FBXL4: variants seen among roughly 807,000 people sequenced by gnomAD.
FBXL4 encodes the protein F-box and leucine rich repeat protein 4, also known as F-box/LRR-repeat protein 4.
A neutral mutation model predicts 58.9 loss-of-function variants in FBXL4; 40 were observed. That is an observed-to-expected ratio of 0.68 (90% CI 0.53 to 0.88). The LOEUF (loss-of-function observed/expected upper bound fraction) is 0.88, where lower values mean the gene tolerates loss of function less well. Ranked by LOEUF, FBXL4 falls within the 40% of genes least tolerant of loss-of-function variation. The probability of loss-of-function intolerance (pLI) is 0.00; values close to 1 mark genes in which losing one functional copy is unlikely to be tolerated. For missense variants in FBXL4, 676 were observed against 734.4 expected (o/e 0.92, Z 0.92); for synonymous variants, 263 against 265.5 (o/e 0.99, Z 0.09).
chr6:98,913,605 C>G (rs1374784716), intron 5 of FBXL4, among the ~76,000 whole-genome samples: 1 of 152,180 alleles, frequency 6.6e-6, no homozygotes, highest in Non-Finnish European at 1.5e-5. Context: ...TAAAGATGTT[C>G]TTTGAAACCA....
At chr6:98,898,975 C>T (rs1051631773) in intron 7 of FBXL4, 2 of 985,418 alleles carry the variant, frequency 2.0e-6, no homozygotes, top group Non-Finnish European at 2.4e-6. Flanking sequence ...AATTCATTCC[C>T]TGCCAGCATT....
At chr6:98,876,790 T>C (rs1196938827) in intron 8 of FBXL4, among the ~76,000 whole-genome samples, 1 of 152,024 alleles carries the variant, frequency 6.6e-6, no homozygotes, top group African/African-American at 2.4e-5. Context: ...ATGAGATCCA[T>C]ACAGTCCAAG....
chr6:98,901,682 A>T (rs1034584124), intron 6 of FBXL4, among the ~76,000 whole-genome samples: 1 of 152,158 alleles, frequency 6.6e-6, no homozygotes, highest in African/African-American at 2.4e-5. Flanking sequence ...CTACCTTTTC[A>T]TATCTACATC....
Position 98,899,004 on chromosome 6 carries a change from C to T in FBXL4, c.1317+264G>A, listed in dbSNP as rs141987023. ...CAGCATTTTGGCTTACCTCAACCAA[C>T]GCTTATTTTTTTTCCTGGGGACATA... On this transcript the variant is annotated intron_variant, in intron 7 of 9. Transcript: ENST00000369244. The T allele has an allele frequency of 8.4e-4, 829 of 985,368 alleles. 4 individuals carry two copies. In the African/African-American group the frequency reaches 0.012, roughly 15 times the overall value. The allele number at this position is 985,368 out of a possible 1,614,324, so 61.0% of individuals were successfully genotyped here. A position where few individuals can be genotyped will look rare whatever the true frequency, so the allele number is the denominator to read the frequency against.
At chr6:98,893,413 C>T (rs1218149759) in intron 7 of FBXL4, among the ~76,000 whole-genome samples, 1 of 152,116 alleles carries the variant, frequency 6.6e-6, no homozygotes, top group Non-Finnish European at 1.5e-5. Context: ...CTTCCATTGT[C>T]TTCACATGGT....
At chr6:98,922,508 T>G (rs1772622236) in intron 4 of FBXL4, among the ~76,000 whole-genome samples, 1 of 152,200 alleles carries the variant, frequency 6.6e-6, no homozygotes, top group Admixed American at 6.5e-5. Context: ...CAAACAGTAG[T>G]ACATGACGGA....
intron 5 of FBXL4, among the ~76,000 whole-genome samples, chr6:98,911,395 C>G (rs906233074): frequency 6.6e-5 from 10 of 152,306 alleles, no homozygotes; most frequent in African/African-American, 2.4e-4. Flanking sequence ...GTCCCTGACC[C>G]CTGACCCCCA....
chr6:98,917,922 C>T (rs1358660007), intron 4 of FBXL4, among the ~76,000 whole-genome samples: 1 of 152,066 alleles, frequency 6.6e-6, no homozygotes, highest in Non-Finnish European at 1.5e-5. Flanking sequence ...TTTTATAAGT[C>T]CCCAAACAGT....
At chr6:98,901,634 C>T (rs1771615723) in intron 6 of FBXL4, among the ~76,000 whole-genome samples, 1 of 152,156 alleles carries the variant, frequency 6.6e-6, no homozygotes, top group African/African-American at 2.4e-5. Context: ...TTAATATCCT[C>T]ATATTATCTC....
chr6:98,910,558 G>A (rs1291236612), intron 5 of FBXL4, among the ~76,000 whole-genome samples: 1 of 151,980 alleles, frequency 6.6e-6, no homozygotes, highest in East Asian at 1.9e-4. Context: ...TCGGGAGGCT[G>A]AGGCAGGAGA....
chr6:98,910,312 T>A (rs1367824168), intron 5 of FBXL4, among the ~76,000 whole-genome samples: 1 of 152,048 alleles, frequency 6.6e-6, no homozygotes. Flanking sequence ...AACACCCCAG[T>A]AGGGACACAC....
At chr6:98,920,819 TACACACACACACAC>T (rs10633715) in intron 4 of FBXL4, among the ~76,000 whole-genome samples, 3 of 144,932 alleles carry the variant, frequency 2.1e-5, no homozygotes, top group East Asian at 2.1e-4. Flanking sequence ...TACACACACA[TACACACACACACAC>T]ACACACACAC....
intron 1 of FBXL4, among the ~76,000 whole-genome samples, chr6:98,936,599 TATATTTTCTTTTCCTCATGATTTTCTTA>T (rs1305721310): frequency 3.9e-5 from 6 of 152,214 alleles, no homozygotes; most frequent in Admixed American, 1.3e-4. Context: ...GAGGAGTAAA[TATATTTTCTTTTCCTCATGATTTTCTTA>T]ATATTTTCTT....
At chr6:98,894,874 A>G (rs1358560574) in intron 7 of FBXL4, among the ~76,000 whole-genome samples, 1 of 152,176 alleles carries the variant, frequency 6.6e-6, no homozygotes, top group African/African-American at 2.4e-5. Flanking sequence ...AAATTAAGAA[A>G]CCAAGTTGAA....
intron 7 of FBXL4, among the ~76,000 whole-genome samples, chr6:98,886,786 T>C (rs1771054233): frequency 6.6e-6 from 1 of 152,208 alleles, no homozygotes; most frequent in South Asian, 2.1e-4. Context: ...TACTTTTTGG[T>C]ATATCTGCCC....
intron 7 of FBXL4, among the ~76,000 whole-genome samples, chr6:98,884,776 T>C (rs1770976477): frequency 6.6e-6 from 1 of 152,240 alleles, no homozygotes; most frequent in South Asian, 2.1e-4. Flanking sequence ...TCTCTTCAAA[T>C]ATTACTTTTC....
intron 9 of FBXL4, among the ~76,000 whole-genome samples, chr6:98,874,702 C>G (rs1770591601): frequency 6.6e-6 from 1 of 152,282 alleles, no homozygotes; most frequent in Non-Finnish European, 1.5e-5. Context: ...TTCCTACCTC[C>G]TACCCCTTCA....
intron 1 of FBXL4, among the ~76,000 whole-genome samples, chr6:98,935,299 G>A (rs543238875): frequency 6.7e-6 from 1 of 149,290 alleles, no homozygotes; most frequent in Admixed American, 6.7e-5. Flanking sequence ...TGAGTGGAAT[G>A]GTTTTTTGTT....
At chr6:98,937,474 TAAGG>T (rs1436197032) in intron 1 of FBXL4, among the ~76,000 whole-genome samples, 1 of 152,072 alleles carries the variant, frequency 6.6e-6, no homozygotes, top group African/African-American at 2.4e-5. Context: ...AACAAAATCA[TAAGG>T]AAGAGAAAAT....
Sources: allele counts gnomAD v4.1 joint callset (sites outside exome capture counted in the v4.1 genomes callset), GRCh38; gene constraint gnomAD v4.1.1; transcripts MANE v1.5; gene names NCBI Gene and HGNC (gene_info 2026-07-23, HGNC 2026-07-21).